The following IKZF5 variants were observed in gnomAD, a reference collection of about 807,000 sequenced individuals.
IKZF5 encodes IKAROS family zinc finger 5.
A neutral mutation model predicts 30.7 loss-of-function variants in IKZF5; 4 were observed. The observed-to-expected ratio is 0.13, with a 90% CI of 0.06 to 0.30. The LOEUF (loss-of-function observed/expected upper bound fraction) is 0.30, where lower values mean the gene tolerates loss of function less well. IKZF5 is among the 10% of genes least tolerant of loss of function. The pLI is 1.00. For missense variants in IKZF5, 348 were observed against 525.5 expected, an observed-to-expected ratio of 0.66 and a Z score of 3.30; for synonymous variants, 148 against 179.6, an observed-to-expected ratio of 0.82 and a Z score of 1.41.
At position 122,991,574 on chromosome 10, in the gene IKZF5, CAG is replaced by C. The variant is rs1260521445; in HGVS notation, c.*2204_*2205del. The C allele has an allele frequency of 6.6e-6, 1 of 152,060 alleles. No homozygotes were observed. Among genetic ancestry groups the C allele is most frequent in the African/African-American group, 2.4e-5 (1 of 41,414 alleles). The allele number at this position is 152,060 out of a possible 1,614,324, so 9.4% of individuals were successfully genotyped here. A position where few individuals can be genotyped will look rare whatever the true frequency, so the allele number is the denominator to read the frequency against. ...ATCTTTTCAAATACAGAATAACTCA[CAG>C]GAAATTTAAATAAAATCTAAATATT... On this transcript the variant is annotated 3_prime_UTR_variant, in exon 5 of 5. Transcript: ENST00000368886.
intron 2 of IKZF5, among the ~76,000 whole-genome samples, chr10:123,006,456 G>A (rs1159421002): frequency 6.6e-6 from 1 of 152,016 alleles, no homozygotes; most frequent in African/African-American, 2.4e-5. Context: ...TTAAAACACA[G>A]GCACTGAAAT....
At chr10:123,002,305 T>G (rs1244785763) in intron 2 of IKZF5, among the ~76,000 whole-genome samples, 1 of 151,588 alleles carries the variant, frequency 6.6e-6, no homozygotes, top group Non-Finnish European at 1.5e-5. Context: ...GATCACGAGG[T>G]CAAGAGATGG....
intron 1 of IKZF5, among the ~76,000 whole-genome samples, chr10:123,008,315 C>G (rs1339764831): frequency 6.6e-6 from 1 of 152,150 alleles, no homozygotes; most frequent in South Asian, 2.1e-4. Flanking sequence ...CTAGGAGACC[C>G]GCGCCCGGCT....
chr10:122,998,721 TG>T (rs1200714828), intron 2 of IKZF5, 50 bp from the exon 3 acceptor site: 1 of 1,045,806 alleles, frequency 9.6e-7, no homozygotes. Flanking sequence ...AGCAAACAAA[TG>T]ACAAAAGCTA....
chr10:122,996,768 A>G (rs1234848318), intron 3 of IKZF5, among the ~76,000 whole-genome samples: 2 of 152,224 alleles, frequency 1.3e-5, no homozygotes, highest in African/African-American at 4.8e-5. Context: ...TTTTTGAAGA[A>G]GTGAACAGGT....
intron 3 of IKZF5, among the ~76,000 whole-genome samples, chr10:122,996,618 C>T (rs1849382039): frequency 6.6e-6 from 1 of 152,076 alleles, no homozygotes. Flanking sequence ...GCATGAGAAT[C>T]GCTGGAATCC....
intron 2 of IKZF5, among the ~76,000 whole-genome samples, chr10:123,006,195 A>G (rs7899939): frequency 0.014 from 2,068 of 152,280 alleles, 54 homozygotes; most frequent in African/African-American, 0.047. Context: ...AAAGAGGTAT[A>G]AGAGAATTAA....
intron 2 of IKZF5, among the ~76,000 whole-genome samples, chr10:123,000,764 A>G (rs890801200): frequency 1.3e-5 from 2 of 152,186 alleles, no homozygotes; most frequent in African/African-American, 2.4e-5. Flanking sequence ...GTGGGTGTCT[A>G]GTGGTATCAC....
Position 122,993,998 on chromosome 10 carries a change from G to A in IKZF5, c.1042C>T (p.Pro348Ser), listed in dbSNP as rs1849260772. The A allele has an allele frequency of 6.2e-7, 1 of 1,614,130 alleles. No individual in the cohort carries two copies. The highest frequency in any genetic ancestry group is 8.5e-7 in the Non-Finnish European group (1 of 1,180,018). ...TSTPSIGNSQ[P>S]STPAPALPVQ... ...GGCAGGGCTGGGGCTGGGGTGCTTG[G>A]CTGGCTGTTTCCTATGCTGGGAGTG... is the stretch of plus-strand genomic sequence containing the variant. The change falls in exon 5 of 5, where the codon CCA (proline) becomes TCA (serine). Residue 348 changes from proline to serine, a missense_variant. Physicochemically the swap from Pro to Ser is moderately conservative, Grantham distance 74. Transcript: ENST00000368886.
At chr10:123,007,742 G>A (rs1185143625) in intron 1 of IKZF5, among the ~76,000 whole-genome samples, 2 of 152,096 alleles carry the variant, frequency 1.3e-5, no homozygotes, top group Non-Finnish European at 2.9e-5. Flanking sequence ...TCACTGTAAC[G>A]AACTCTCATC....
At chr10:123,006,420 C>G (rs1302838061) in intron 2 of IKZF5, among the ~76,000 whole-genome samples, 13 of 152,204 alleles carry the variant, frequency 8.5e-5, no homozygotes, top group Non-Finnish European at 1.9e-4. Context: ...GCACCCCCCC[C>G]AGCCTCTTAA....
At chr10:123,008,106 A>T (rs1379271889) in intron 1 of IKZF5, among the ~76,000 whole-genome samples, 1 of 152,170 alleles carries the variant, frequency 6.6e-6, no homozygotes. Context: ...CTGAATAGTT[A>T]TTTGCTACAA....
chr10:122,994,924 A>T lies in IKZF5; in HGVS notation c.317-201T>A. On this transcript the variant is annotated intron_variant, in intron 4 of 4. Coordinates refer to ENST00000368886, the MANE Select transcript of IKZF5 (RefSeq NM_001372123.1). The surrounding 1 kb of genome is among the most constrained non-coding windows in gnomAD (Gnocchi z 5.6). Reference sequence around the variant, plus strand: ...AAAGCTTAAGAACTCATCAGCAACAACCTGAAATATGCATTGATGTTGTAT... The same window carrying T: ...AAAGCTTAAGAACTCATCAGCAACATCCTGAAATATGCATTGATGTTGTAT... 1.8e-6 allele frequency: 1 copy of T among 563,494 alleles called. No individual in the cohort carries two copies. Among genetic ancestry groups the T allele is most frequent in the Non-Finnish European group, 3.1e-6 (1 of 321,694 alleles). The allele number at this position is 563,494 out of a possible 1,614,324, so 34.9% of individuals were successfully genotyped here.
At chr10:123,003,061 G>A (rs1849650794) in intron 2 of IKZF5, among the ~76,000 whole-genome samples, 1 of 148,364 alleles carries the variant, frequency 6.7e-6, no homozygotes, top group Non-Finnish European at 1.5e-5. Flanking sequence ...ACGGAGTTTC[G>A]TTCTTGTTGC....
rs1589713806 is a variant in IKZF5, at chr10:122,993,505, TC to T, written c.*274del. 7 of 243,452 alleles carry T rather than the reference TC, an allele frequency of 2.9e-5. No homozygotes were observed. In the East Asian group the frequency reaches 5.6e-4, roughly 20 times the overall value. 15.1% of individuals were successfully genotyped at this position (243,452 alleles called of 1,614,324 possible). ...TAAATGTGAGAAATTCAAATGAACA[TC>T]TTGTAAGATTATGACTGCACTCCAA... On this transcript the variant is annotated 3_prime_UTR_variant, in exon 5 of 5. Transcript: ENST00000368886.
chr10:122,999,972 C>G (rs191603953), intron 2 of IKZF5, among the ~76,000 whole-genome samples: 1 of 152,308 alleles, frequency 6.6e-6, no homozygotes, highest in Non-Finnish European at 1.5e-5. Flanking sequence ...TAAACTCAAA[C>G]TATTTAATGA....
chr10:123,006,182 G>C (rs983027288), intron 2 of IKZF5, among the ~76,000 whole-genome samples: 2 of 152,236 alleles, frequency 1.3e-5, no homozygotes, highest in African/African-American at 4.8e-5. Context: ...GCCGGTAGGG[G>C]GAAAAGAGGT....
intron 2 of IKZF5, among the ~76,000 whole-genome samples, chr10:122,999,503 T>C (rs1191295382): frequency 6.6e-6 from 1 of 152,342 alleles, no homozygotes; most frequent in South Asian, 2.1e-4. Context: ...TACTCAACTG[T>C]GTCACGGTAA....
rs1849209592 is a variant in IKZF5, at chr10:122,992,744, C to CT, written c.*1035dup. On this transcript the variant is annotated 3_prime_UTR_variant, in exon 5 of 5. Coordinates refer to ENST00000368886, the MANE Select transcript of IKZF5 (RefSeq NM_001372123.1). The stretch of plus-strand genomic sequence containing the variant: ...AAGTCACAGAAAATATTTTAAATGG[C>CT]TAATTCTGAAGAGGAGACAAGAATC... The CT allele has an allele frequency of 6.6e-6, 1 of 152,190 alleles. No individual in the cohort carries two copies. Among genetic ancestry groups the CT allele is most frequent in the South Asian group, 2.1e-4 (1 of 4,826 alleles). 9.4% of individuals were successfully genotyped at this position (152,190 alleles called of 1,614,324 possible). A position where few individuals can be genotyped will look rare whatever the true frequency, so the allele number is the denominator to read the frequency against.
Sources: gnomAD v4.1 joint callset for allele counts (sites outside exome capture counted in the v4.1 genomes callset) on GRCh38, gnomAD v4.1.1 for gene constraint, Gnocchi (gnomAD v3.1) non-coding constraint, MANE v1.5 for transcripts, NCBI Gene and HGNC (gene_info 2026-07-23, HGNC 2026-07-21) for gene names.